SPATA7: variants seen among roughly 807,000 people sequenced by gnomAD.
SPATA7 encodes the protein spermatogenesis-associated protein 7.
A neutral mutation model predicts 51.8 loss-of-function variants in SPATA7; 43 were observed. The observed-to-expected ratio is 0.83, with a 90% confidence interval of 0.65 to 1.07. SPATA7 has a LOEUF of 1.07. Among genes scored for constraint, SPATA7 ranks in the 50% least tolerant of loss-of-function variants. The pLI, the probability that SPATA7 is intolerant of heterozygous loss-of-function variation, is 0.00. For synonymous variants in SPATA7, 230 were observed against 252.8 expected, an observed-to-expected ratio of 0.91 and a Z score of 0.86; for missense variants, 683 against 701.3, an observed-to-expected ratio of 0.97 and a Z score of 0.30.
Position 88,393,428 on chromosome 14 carries a change from A to G in SPATA7, c.130A>G (p.Thr44Ala). Reference sequence around the variant, plus strand: ...TGACTCCTCTTCTCTCAGACTAAGCACTCTCCAGCTGGTCAAGAATCACAT... The same window carrying G: ...TGACTCCTCTTCTCTCAGACTAAGCGCTCTCCAGCTGGTCAAGAATCACAT... ...CTDSSSLRLS[T>A]LQLVKNHMAV... is the part of the protein sequence containing the mutation. The change falls in exon 3 of 12, where the codon ACT (threonine) becomes GCT (alanine). Residue 44 changes from threonine to alanine, a missense_variant. Thr to Ala is a moderately conservative substitution (Grantham distance 58). Transcript: ENST00000393545. 6.2e-7 allele frequency: 1 copy of G among 1,604,728 alleles called. No homozygotes were observed. The highest frequency in any genetic ancestry group is 1.7e-4 in the Middle Eastern group (1 of 6,016).
In SPATA7 at chr14:88,469,763, C is replaced by T. The variant is rs73329650; in HGVS notation, c.255-84C>T. ...TAAAGATGAGCATGGTTAAATGACT[C>T]GAGATCCGGCAATGGATGCCTTTCT... is the stretch of plus-strand genomic sequence containing the variant. On this transcript the variant is annotated intron_variant, in intron 4 of 4. Transcript: ENST00000556406. The surrounding 1 kb of genome is among the most constrained non-coding windows in gnomAD (Gnocchi z 4.3). 11,097 of 1,610,474 alleles carry T rather than the reference C, an allele frequency of 6.9e-3. 657 individuals carry two copies. The African/African-American group carries it at 0.13, about 19-fold the overall frequency.
intron 4 of SPATA7, chr14:88,466,671 G>A (rs1361005886): frequency 6.6e-6 from 1 of 152,164 alleles, no homozygotes. Context: ...GGCCAGAGAT[G>A]ACACTCTCCC....
At chr14:88,455,062 T>G in exon 4 of SPATA7, 1 of 455,880 alleles carries the variant, frequency 2.2e-6, no homozygotes, top group Middle Eastern at 3.3e-4. Flanking sequence ...TCTAACAGAT[T>G]CCAGATGCTG....
intron 3 of SPATA7, chr14:88,455,035 G>A: frequency 2.2e-6 from 1 of 455,680 alleles, no homozygotes; most frequent in Non-Finnish European, 4.4e-6. Context: ...CTGGGTCAAG[G>A]CTCAAGAATT....
rs757065019 is a variant in SPATA7 at position 88,429,365 on chromosome 14, A to G, written c.930A>G (p.Thr310=). 7.5e-6 allele frequency: 12 copies of G among 1,609,624 alleles called. No individual in the cohort carries two copies. Among genetic ancestry groups the G allele is most frequent in the Non-Finnish European group, 1.0e-5 (12 of 1,176,360 alleles). The change falls in exon 8 of 12, where the codon ACA becomes ACG. Residue 310 remains threonine, a synonymous_variant. Coordinates refer to ENST00000393545, the MANE Select transcript of SPATA7 (RefSeq NM_018418.5). The part of the protein sequence containing the change: ...MNIKQASNCV[T]YDAKEKIAPL... ...ATCCCCAGGCATCTAATTGTGTGAC[A>G]TATGATGCCAAAGAAAAAATAGCTC...
At chr14:88,400,872 C>G (rs978187766) in intron 4 of SPATA7, among the ~76,000 whole-genome samples, 2 of 151,910 alleles carry the variant, frequency 1.3e-5, no homozygotes, top group Non-Finnish European at 1.5e-5. Flanking sequence ...AACTTCCCAA[C>G]AAAGAATAGC....
At position 88,427,638 on chromosome 14, in the gene SPATA7, C is replaced by A. The variant is rs2076832785; in HGVS notation, c.854C>A (p.Ser285Tyr). 1 of 1,603,900 alleles carries A rather than the reference C, an allele frequency of 6.2e-7. No individual in the cohort carries two copies. Among genetic ancestry groups the A allele is most frequent in the Non-Finnish European group, 8.5e-7 (1 of 1,171,814 alleles). ...ATTTTAAATTATTACAGCTTTAAAT[C>A]TGAGTTGGGGACAGCTGAGACTAAA... is the stretch of plus-strand genomic sequence containing the variant. Reference protein sequence around the residue: ...AETQTELSFKSELGTAETKNM... With the variant: ...AETQTELSFKYELGTAETKNM... The change falls in exon 7 of 12, where the codon TCT becomes TAT. Residue 285 changes from serine (S) to tyrosine (Y), a missense_variant. Ser to Tyr is a moderately radical substitution (Grantham distance 144, BLOSUM62 -2). Coordinates refer to ENST00000393545, the MANE Select transcript of SPATA7 (RefSeq NM_018418.5).
At chr14:88,467,881 C>A in intron 4 of SPATA7, 1 of 493,060 alleles carries the variant, frequency 2.0e-6, no homozygotes, top group Non-Finnish European at 3.6e-6. Flanking sequence ...GCAAGTACTG[C>A]AAACCGGACA....
chr14:88,455,156 C>T (rs1329563298), exon 4 of SPATA7: 1 of 450,796 alleles, frequency 2.2e-6, no homozygotes, highest in Admixed American at 2.4e-5. Flanking sequence ...TAGAGGTGGC[C>T]ACATGAAGAG....
At chr14:88,448,068 C>T (rs1007755677) in intron 3 of SPATA7, among the ~76,000 whole-genome samples, 48 of 152,200 alleles carry the variant, frequency 3.2e-4, no homozygotes, top group African/African-American at 1.0e-3. Context: ...TGGATAATAT[C>T]TTGCAGAGTG....
chr14:88,432,230 T>C (rs1031750103), intron 9 of SPATA7, among the ~76,000 whole-genome samples: 1 of 152,118 alleles, frequency 6.6e-6, no homozygotes, highest in African/African-American at 2.4e-5. Flanking sequence ...AGTTACTCTT[T>C]TTAGGGAAAA....
Position 88,429,396 on chromosome 14 carries a change from C to G in SPATA7, c.961C>G (p.Pro321Ala), listed in dbSNP as rs754639100. 1 of 1,612,670 alleles carries G rather than the reference C, an allele frequency of 6.2e-7. No homozygotes were observed. The highest frequency in any genetic ancestry group is 1.7e-5 in the Admixed American group (1 of 59,950). ...TGCCAAAGAAAAAATAGCTCCTTTA[C>G]CTTTAGAAGGGCATGACTCAACATG... ...YDAKEKIAPL[P>A]LEGHDSTWDE... The change falls in exon 8 of 12, where the codon CCT (proline) becomes GCT (alanine). Residue 321 changes from proline (P) to alanine (A), a missense_variant. Coordinates refer to ENST00000393545, the MANE Select transcript of SPATA7 (RefSeq NM_018418.5).
Position 88,437,900 on chromosome 14 carries a change from C to T in SPATA7, c.1278C>T (p.Asn426=). 1 of 1,610,878 alleles carries T rather than the reference C, an allele frequency of 6.2e-7. No homozygotes were observed. The highest frequency in any genetic ancestry group is 8.5e-7 in the Non-Finnish European group (1 of 1,178,356). ...KVDLGCTSEE[N]SVKQNDVDML... ...ACTTAGGCTGCACATCGGAGGAAAA[C>T]TCGGTAAAGCAAAATGATGTTGATA... Residue 426 remains asparagine, a synonymous_variant, in exon 12 of 12, where the codon AAC becomes AAT. Coordinates refer to ENST00000393545, the MANE Select transcript of SPATA7 (RefSeq NM_018418.5).
downstream of SPATA7, among the ~76,000 whole-genome samples, chr14:88,443,283 C>T (rs2077190080): frequency 6.6e-6 from 1 of 152,158 alleles, no homozygotes; most frequent in African/African-American, 2.4e-5. Flanking sequence ...TTCAATCTCA[C>T]TGCTCGTTAT....
At chr14:88,387,971 C>T (rs1419834785) in intron 1 of SPATA7, among the ~76,000 whole-genome samples, 1 of 152,104 alleles carries the variant, frequency 6.6e-6, no homozygotes, top group African/African-American at 2.4e-5. Context: ...GAGGCTGAGG[C>T]AGGTGGATCA....
chr14:88,439,733 A>G (rs950360959), downstream of SPATA7, among the ~76,000 whole-genome samples: 1 of 152,126 alleles, frequency 6.6e-6, no homozygotes, highest in Non-Finnish European at 1.5e-5. Flanking sequence ...GGTCCATCTC[A>G]TTCATGGGAT....
chr14:88,443,754 A>G (rs140688870), intron 3 of SPATA7, among the ~76,000 whole-genome samples: 3,956 of 151,416 alleles, frequency 0.026, 181 homozygotes, highest in African/African-American at 0.091. Context: ...TGTCCTTGAG[A>G]TAGTTTGCTC....
intron 1 of SPATA7, among the ~76,000 whole-genome samples, chr14:88,388,158 T>C (rs2075634425): frequency 6.6e-6 from 1 of 151,882 alleles, no homozygotes; most frequent in Non-Finnish European, 1.5e-5. Context: ...GCCAAGATCA[T>C]GCCACTGCCC....
intron 5 of SPATA7, among the ~76,000 whole-genome samples, chr14:88,426,031 T>C (rs60756353): frequency 0.035 from 5,365 of 152,286 alleles, 307 homozygotes; most frequent in African/African-American, 0.12. Flanking sequence ...GATTGCTCTA[T>C]TACTTATATT....
Sources: gnomAD v4.1 joint callset for allele counts (sites outside exome capture counted in the v4.1 genomes callset) on GRCh38, gnomAD v4.1.1 for gene constraint, Gnocchi (gnomAD v3.1) non-coding constraint, MANE v1.5 for transcripts, NCBI Gene and HGNC (gene_info 2026-07-23, HGNC 2026-07-21) for gene names.